The following DNAH7 variants were observed in gnomAD, a reference collection of about 807,000 sequenced individuals.
DNAH7 encodes axonemal beta dynein heavy chain 7.
Under a neutral mutation model 444.6 loss-of-function variants are expected in DNAH7, and 397 were observed. That is an observed-to-expected ratio of 0.89 (90% confidence interval 0.82 to 0.97). The LOEUF (loss-of-function observed/expected upper bound fraction) is 0.97. Ranked by LOEUF, DNAH7 falls within the 50% of genes least tolerant of loss-of-function variation. The probability of loss-of-function intolerance (pLI) is 0.00; values close to 1 mark genes in which losing one functional copy is unlikely to be tolerated. For missense variants in DNAH7, 4,902 were observed against 4,800.8 expected (o/e 1.02, Z -0.62); for synonymous variants, 1,636 against 1,624.4 (o/e 1.01, Z -0.17).
chr2:195,929,505 G>T (rs1471302342), intron 21 of DNAH7, among the ~76,000 whole-genome samples: 1 of 152,108 alleles, frequency 6.6e-6, no homozygotes, highest in Non-Finnish European at 1.5e-5. Flanking sequence ...ACACAGCATG[G>T]TATGTGTACA....
chr2:195,986,016 T>C (rs1409321291), intron 14 of DNAH7, among the ~76,000 whole-genome samples: 1 of 152,146 alleles, frequency 6.6e-6, no homozygotes, highest in Admixed American at 6.5e-5. Context: ...GCCCTCTACA[T>C]ATTATCTTCT....
chr2:195,984,521 G>T, intron 15 of DNAH7, 111 bp downstream of exon 15: 1 of 1,090,186 alleles, frequency 9.2e-7, no homozygotes, highest in Non-Finnish European at 1.3e-6. Flanking sequence ...CTAATTGAAA[G>T]TCATTATTAT....
At chr2:195,964,258 T>C (rs1384625107) in intron 17 of DNAH7, among the ~76,000 whole-genome samples, 2 of 152,230 alleles carry the variant, frequency 1.3e-5, no homozygotes, top group Non-Finnish European at 2.9e-5. Context: ...TTAACAATAT[T>C]GATTCTTCAA....
chr2:196,052,240 G>A (rs546985118), intron 2 of DNAH7, among the ~76,000 whole-genome samples: 1 of 152,284 alleles, frequency 6.6e-6, no homozygotes, highest in Admixed American at 6.5e-5. Flanking sequence ...GGAAGGGACG[G>A]CTCTTCCAAG....
Position 196,037,972 on chromosome 2 carries a change from A to G in DNAH7, c.398+9380T>C, listed in dbSNP as rs1696499779. On this transcript the variant is annotated intron_variant, in intron 5 of 64. Transcript: ENST00000312428. Reference sequence around the variant, plus strand: ...TTAATCTGTCAAAAGTCAAAGACAAAGAATTCTAAAAACAGCACAAGAAAA... The same window carrying G: ...TTAATCTGTCAAAAGTCAAAGACAAGGAATTCTAAAAACAGCACAAGAAAA... Among the ~76,000 whole-genome samples the G allele has an allele frequency of 2.6e-5, 4 of 152,198 alleles. No individual in the cohort carries two copies. In the South Asian group the frequency reaches 8.3e-4, roughly 31 times the overall value.
At chr2:195,996,474 G>C (rs1386846670) in intron 12 of DNAH7, among the ~76,000 whole-genome samples, 1 of 147,294 alleles carries the variant, frequency 6.8e-6, no homozygotes, top group Non-Finnish European at 1.5e-5. Context: ...TGCCCAGGCT[G>C]AAGTGCAGTG....
At chr2:195,913,843 G>A (rs1687506808) in intron 24 of DNAH7, among the ~76,000 whole-genome samples, 1 of 152,194 alleles carries the variant, frequency 6.6e-6, no homozygotes, top group African/African-American at 2.4e-5. Flanking sequence ...AGCCTCCCAA[G>A]TAGCTGGGAT....
intron 28 of DNAH7, among the ~76,000 whole-genome samples, chr2:195,899,581 A>T (rs970614030): frequency 1.3e-5 from 2 of 152,222 alleles, no homozygotes; most frequent in Non-Finnish European, 2.9e-5. Context: ...TAACATTATT[A>T]TGGAAGATAA....
At chr2:196,011,346 AAT>A (rs1694718062) in intron 10 of DNAH7, among the ~76,000 whole-genome samples, 1 of 152,160 alleles carries the variant, frequency 6.6e-6, no homozygotes, top group African/African-American at 2.4e-5. Context: ...CAGAAGACAA[AAT>A]CTTGAGGCAG....
chr2:195,997,066 G>A (rs184397150), intron 12 of DNAH7, among the ~76,000 whole-genome samples: 95 of 152,262 alleles, frequency 6.2e-4, no homozygotes, highest in African/African-American at 2.0e-3. Flanking sequence ...ATGATGTACT[G>A]TGTGCAATGT....
intron 19 of DNAH7, among the ~76,000 whole-genome samples, chr2:195,937,065 G>GAA (rs1362442491): frequency 5.3e-5 from 8 of 152,230 alleles, no homozygotes; most frequent in African/African-American, 1.9e-4. Flanking sequence ...GAGAGAGAGA[G>GAA]AACACTGCCT....
At chr2:195,907,606 G>A (rs1246409209) in intron 25 of DNAH7, among the ~76,000 whole-genome samples, 1 of 146,284 alleles carries the variant, frequency 6.8e-6, no homozygotes, top group Non-Finnish European at 1.6e-5. Context: ...TTTATAGATT[G>A]TGTGTGTGCA....
intron 47 of DNAH7, among the ~76,000 whole-genome samples, chr2:195,839,062 T>A (rs1385749042): frequency 6.6e-6 from 1 of 151,838 alleles, no homozygotes; most frequent in African/African-American, 2.4e-5. Context: ...CACTCAATAA[T>A]AGCAGGATAT....
chr2:195,905,611 T>A (rs2125284877), intron 27 of DNAH7: 1 of 152,258 alleles, frequency 6.6e-6, no homozygotes, highest in East Asian at 1.9e-4. Flanking sequence ...ATTGCATTAT[T>A]CTTCAACATT....
intron 19 of DNAH7, among the ~76,000 whole-genome samples, chr2:195,947,291 AT>A (rs1230315476): frequency 6.6e-6 from 1 of 151,624 alleles, no homozygotes; most frequent in Non-Finnish European, 1.5e-5. Flanking sequence ...CACATGTCTT[AT>A]TTTTTTAAAT....
chr2:195,895,884 C>A (rs1702278759), intron 29 of DNAH7, among the ~76,000 whole-genome samples: 1 of 152,094 alleles, frequency 6.6e-6, no homozygotes, highest in African/African-American at 2.4e-5. Flanking sequence ...CAGCAGGTAT[C>A]AATAGTTTAT....
intron 52 of DNAH7, 68 bp from the exon 53 acceptor site, chr2:195,808,944 T>A: frequency 7.3e-7 from 1 of 1,377,646 alleles, no homozygotes. Context: ...CTTACAACCA[T>A]TATAAAAGAG....
At chr2:195,922,315 G>T in intron 23 of DNAH7, 118 bp from the exon 24 acceptor site, 1 of 608,672 alleles carries the variant, frequency 1.6e-6, no homozygotes. Flanking sequence ...CTTTTCAGGT[G>T]TCATTTGATT....
intron 5 of DNAH7, among the ~76,000 whole-genome samples, chr2:196,038,306 A>T (rs1052687526): frequency 2.6e-5 from 4 of 152,188 alleles, no homozygotes; most frequent in Non-Finnish European, 5.9e-5. Flanking sequence ...ACCATCATGA[A>T]AACACACTAA....
Sources: allele counts gnomAD v4.1 joint callset (sites outside exome capture counted in the v4.1 genomes callset), GRCh38; gene constraint gnomAD v4.1.1; transcripts MANE v1.5; gene names NCBI Gene and HGNC (gene_info 2026-07-23, HGNC 2026-07-21).